The following NPAS3 variants were observed in gnomAD, a reference collection of about 807,000 sequenced individuals.
NPAS3 encodes neuronal PAS domain protein 3.
NPAS3 carries 14 observed loss-of-function variants against 73.1 expected under a neutral mutation model. The observed-to-expected ratio is 0.19, with a 90% CI of 0.13 to 0.30. The LOEUF (loss-of-function observed/expected upper bound fraction) is 0.30. NPAS3 is among the 10% of genes least tolerant of loss of function. The probability of loss-of-function intolerance (pLI) is 1.00; values close to 1 mark genes in which losing one functional copy is unlikely to be tolerated. For missense variants in NPAS3, 1,096 were observed against 1,250.0 expected, an observed-to-expected ratio of 0.88 and a Z score of 1.86; for synonymous variants, 620 against 541.5, an observed-to-expected ratio of 1.14 and a Z score of -2.01.
rs1260054831 is a variant in NPAS3, at chr14:33,111,182, A to C, written c.140+55188A>C. Among the ~76,000 whole-genome samples, 4 of 152,202 alleles carry C rather than the reference A, an allele frequency of 2.6e-5. No homozygotes were observed. In the East Asian group the frequency reaches 7.7e-4, roughly 29 times the overall value. On this transcript the variant is annotated intron_variant, in intron 2 of 11. Transcript: ENST00000356141. ...TGGGGTGATACTCACTGAGCCAGGC[A>C]GAAAGCCTGAAGGGAGCAAGGCCCT...
chr14:33,050,128 T>G (rs2138484916), intron 1 of NPAS3, among the ~76,000 whole-genome samples: 1 of 152,322 alleles, frequency 6.6e-6, no homozygotes, highest in East Asian at 1.9e-4. Flanking sequence ...AAGTCAACTC[T>G]TCCAATCATC....
intron 6 of NPAS3, among the ~76,000 whole-genome samples, chr14:33,690,756 A>G (rs1040547801): frequency 1.1e-4 from 16 of 151,960 alleles, no homozygotes; most frequent in African/African-American, 3.9e-4. Context: ...TTTAATTCTA[A>G]TATTTTTCAT....
chr14:33,068,963 C>CT (rs753307349), intron 2 of NPAS3, among the ~76,000 whole-genome samples: 9 of 152,062 alleles, frequency 5.9e-5, no homozygotes, highest in Non-Finnish European at 1.3e-4. Flanking sequence ...CAGGGAGGGA[C>CT]TTCGGCTTTT....
chr14:33,687,877 C>A (rs1202262498), intron 6 of NPAS3, among the ~76,000 whole-genome samples: 1 of 152,156 alleles, frequency 6.6e-6, no homozygotes, highest in Non-Finnish European at 1.5e-5. Flanking sequence ...AAACCACCTC[C>A]CAATAGGAGT....
intron 2 of NPAS3, among the ~76,000 whole-genome samples, chr14:33,162,837 C>T (rs898105740): frequency 2.6e-5 from 4 of 152,166 alleles, no homozygotes; most frequent in African/African-American, 9.7e-5. Context: ...ATTTTTCCTC[C>T]AGACATCATC....
chr14:33,049,637 A>T (rs1262088578), intron 1 of NPAS3, among the ~76,000 whole-genome samples: 1 of 152,192 alleles, frequency 6.6e-6, no homozygotes. Flanking sequence ...CTCCCACAAC[A>T]CATGGGAATT....
intron 7 of NPAS3, among the ~76,000 whole-genome samples, chr14:33,752,377 G>A (rs1433992355): frequency 6.6e-6 from 1 of 152,086 alleles, no homozygotes; most frequent in Non-Finnish European, 1.5e-5. Context: ...CCATGCAAGA[G>A]CCATTTAAGA....
chr14:33,115,479 T>C (rs1009974648), intron 2 of NPAS3, among the ~76,000 whole-genome samples: 1 of 152,142 alleles, frequency 6.6e-6, no homozygotes, highest in Non-Finnish European at 1.5e-5. Flanking sequence ...AGACATCTTT[T>C]CTGAGTCTGA....
intron 1 of NPAS3, among the ~76,000 whole-genome samples, chr14:33,005,533 T>A (rs2038971681): frequency 6.6e-6 from 1 of 152,088 alleles, no homozygotes; most frequent in African/African-American, 2.4e-5. Context: ...CTGAGATAGC[T>A]GGAACCCCAA....
intron 5 of NPAS3, among the ~76,000 whole-genome samples, chr14:33,637,508 A>G (rs2058554387): frequency 6.6e-6 from 1 of 152,226 alleles, no homozygotes; most frequent in Non-Finnish European, 1.5e-5. Flanking sequence ...TCAAGGAAAA[A>G]ATAGATTATA....
intron 4 of NPAS3, among the ~76,000 whole-genome samples, chr14:33,458,379 G>C (rs553537289): frequency 6.6e-6 from 1 of 152,238 alleles, no homozygotes; most frequent in South Asian, 2.1e-4. Flanking sequence ...TGTTTTGATA[G>C]TGATTAGTAA....
At chr14:33,472,111 G>A (rs2050812386) in intron 4 of NPAS3, among the ~76,000 whole-genome samples, 1 of 152,200 alleles carries the variant, frequency 6.6e-6, no homozygotes, top group South Asian at 2.1e-4. Context: ...ATTAAAAGGG[G>A]AATAGGAAGT....
chr14:33,762,960 A>G (rs1193488869), intron 7 of NPAS3, among the ~76,000 whole-genome samples: 1 of 152,208 alleles, frequency 6.6e-6, no homozygotes, highest in Non-Finnish European at 1.5e-5. Context: ...AAAGAGGAAA[A>G]TGGAAGGGGA....
At chr14:33,568,694 C>T (rs2056078995) in intron 5 of NPAS3, among the ~76,000 whole-genome samples, 1 of 152,150 alleles carries the variant, frequency 6.6e-6, no homozygotes, top group African/African-American at 2.4e-5. Flanking sequence ...TTAGCTCTTA[C>T]ATAAGAAGAT....
chr14:33,147,226 T>C (rs930314300), intron 2 of NPAS3, among the ~76,000 whole-genome samples: 1 of 152,210 alleles, frequency 6.6e-6, no homozygotes, highest in African/African-American at 2.4e-5. Context: ...ATGCCCTTGC[T>C]GAAGTGAATA....
intron 4 of NPAS3, among the ~76,000 whole-genome samples, chr14:33,479,871 T>G (rs1247396933): frequency 6.6e-6 from 1 of 152,168 alleles, no homozygotes; most frequent in East Asian, 1.9e-4. Context: ...AAGAATTTCT[T>G]GGGGTTTCAG....
intron 3 of NPAS3, among the ~76,000 whole-genome samples, chr14:33,264,965 G>T (rs1415168313): frequency 6.6e-6 from 1 of 152,142 alleles, no homozygotes; most frequent in African/African-American, 2.4e-5. Context: ...TCAGTAACTG[G>T]TCATATTTCT....
At chr14:33,395,362 T>C (rs1368009521) in intron 4 of NPAS3, among the ~76,000 whole-genome samples, 1 of 151,994 alleles carries the variant, frequency 6.6e-6, no homozygotes, top group Non-Finnish European at 1.5e-5. Flanking sequence ...TTATCCAGAA[T>C]GAACCATTAA....
chr14:32,987,320 G>A (rs2038141288), intron 1 of NPAS3, among the ~76,000 whole-genome samples: 1 of 141,952 alleles, frequency 7.0e-6, no homozygotes, highest in African/African-American at 2.6e-5. Context: ...TTGCCTTTTG[G>A]TTACAACTAC....
Sources: gnomAD v4.1 joint callset for allele counts (sites outside exome capture counted in the v4.1 genomes callset) on GRCh38, gnomAD v4.1.1 for gene constraint, MANE v1.5 for transcripts, NCBI Gene and HGNC (gene_info 2026-07-23, HGNC 2026-07-21) for gene names.